The following SWI5 variants were observed in gnomAD, a reference collection of about 807,000 sequenced individuals.
SWI5 encodes the protein DNA repair protein SWI5 homolog.
Under a neutral mutation model 17.0 loss-of-function variants are expected in SWI5, and 12 were observed. That is an observed-to-expected ratio of 0.71 (90% confidence interval 0.45 to 1.14). SWI5 has a LOEUF of 1.14. Ranked by LOEUF, SWI5 falls within the 50% of genes most tolerant of loss-of-function variation. SWI5 has a pLI of 0.00. For missense variants in SWI5, 158 were observed against 162.2 expected, an observed-to-expected ratio of 0.97 and a Z score of 0.14; for synonymous variants, 61 against 64.0, an observed-to-expected ratio of 0.95 and a Z score of 0.22.
chr9:128,279,821 T>A (rs1160214452), intron 2 of SWI5, among the ~76,000 whole-genome samples: 1 of 152,166 alleles, frequency 6.6e-6, no homozygotes, highest in South Asian at 2.1e-4. Context: ...TTTCACGGTC[T>A]GCTAGGTAAC....
At chr9:128,280,797 G>T (rs1050599630) in intron 2 of SWI5, among the ~76,000 whole-genome samples, 1 of 152,210 alleles carries the variant, frequency 6.6e-6, no homozygotes, top group South Asian at 2.1e-4. Context: ...GATTACAGGC[G>T]TGAGCCACCG....
Position 128,276,410 on chromosome 9 carries a change from A to T in SWI5, c.62+8A>T, listed in dbSNP as rs1161178239. 1 of 1,611,620 alleles carries T rather than the reference A, an allele frequency of 6.2e-7. No individual in the cohort carries two copies. Among genetic ancestry groups the T allele is most frequent in the East Asian group, 2.2e-5 (1 of 44,824 alleles). On this transcript the variant is annotated splice_region_variant and intron_variant, in intron 1 of 4. Transcript: ENST00000418976. Reference sequence around the variant, plus strand: ...GACCCCAGGGCTCAGGAGGTGGGCGAGGAACGGACTCCACAGTTTCTTTCC... The same window carrying T: ...GACCCCAGGGCTCAGGAGGTGGGCGTGGAACGGACTCCACAGTTTCTTTCC...
chr9:128,276,363 A>G (rs901037600), exon 1 of SWI5: 6 of 1,612,726 alleles, frequency 3.7e-6, no homozygotes, highest in African/African-American at 1.3e-5. Context: ...GCGCCATTGA[A>G]CCCCCTGATC....
intron 2 of SWI5, among the ~76,000 whole-genome samples, chr9:128,278,154 C>T (rs991030846): frequency 6.6e-6 from 1 of 151,960 alleles, no homozygotes; most frequent in African/African-American, 2.4e-5. Context: ...AAATTTTCGC[C>T]ATGTTGCCCA....
At chr9:128,279,789 C>T (rs1289399612) in intron 2 of SWI5, among the ~76,000 whole-genome samples, 1 of 152,138 alleles carries the variant, frequency 6.6e-6, no homozygotes, top group Admixed American at 6.5e-5. Flanking sequence ...TTTCCTGACT[C>T]CTCCAAGGAA....
Position 128,285,275 on chromosome 9 carries a change from GGGAAAGGAAGGAAGGAA to G in SWI5, c.234-645_234-629del, listed in dbSNP as rs1198945205. Among the ~76,000 whole-genome samples, 9 of 150,770 alleles carry G rather than the reference GGGAAAGGAAGGAAGGAA, an allele frequency of 6.0e-5. No individual in the cohort carries two copies. Among genetic ancestry groups the G allele is most frequent in the Non-Finnish European group, 1.0e-4 (7 of 67,660 alleles). On this transcript the variant is annotated intron_variant, in intron 3 of 4. Transcript: ENST00000418976. This position sits in a 1 kb window ranked among gnomAD's most constrained non-coding sequence, Gnocchi z 4.8. Reference sequence around the variant, plus strand: ...GGGGGAAGGAAAGGGAAGGAAGGAAGGGAAAGGAAGGAAGGAAGGAAAGGAAGGAAGGAAGAAAGAAA... The same window carrying G: ...GGGGGAAGGAAAGGGAAGGAAGGAAGGGAAAGGAAGGAAGGAAGAAAGAAA...
rs113151986 is a variant in SWI5, at chr9:128,281,147, C to T, written c.112-3363C>T. ...CCACCTCCCAGGTTCAAGGGATTCT[C>T]CTGCCTTAGCCTCCCAAGTAGCTGG... On this transcript the variant is annotated intron_variant, in intron 2 of 4. Coordinates refer to ENST00000418976, the Ensembl canonical transcript of SWI5. Among the ~76,000 whole-genome samples the T allele has an allele frequency of 6.8e-4, 100 of 147,868 alleles. 4 individuals are homozygous for T. Among genetic ancestry groups the T allele is most frequent in the African/African-American group, 2.2e-3 (89 of 39,598 alleles).
At chr9:128,284,831 A>G (rs1367416689) in intron 3 of SWI5, among the ~76,000 whole-genome samples, 200 bp downstream of exon 3, 2 of 151,782 alleles carry the variant, frequency 1.3e-5, no homozygotes, top group African/African-American at 2.4e-5. Flanking sequence ...TGGTACGCGC[A>G]TGTAGTCCCA....
At chr9:128,282,028 G>A (rs1230505349) in intron 2 of SWI5, among the ~76,000 whole-genome samples, 1 of 152,244 alleles carries the variant, frequency 6.6e-6, no homozygotes, top group East Asian at 1.9e-4. Flanking sequence ...ACAGTGAGGT[G>A]TGATTGTGCT....
At chr9:128,281,029 T>G (rs956108782) in intron 2 of SWI5, among the ~76,000 whole-genome samples, 7 of 17,456 alleles carry the variant, frequency 4.0e-4, no homozygotes, top group Middle Eastern at 0.023. Flanking sequence ...TCAACCATGC[T>G]TTTTTTTTTT....
At chr9:128,276,031 G>C, upstream of SWI5, 1 of 1,590,818 alleles carries the variant, frequency 6.3e-7, no homozygotes, top group Admixed American at 1.8e-5. Context: ...GCAGCTGTGC[G>C]ACGGAGCCAG....
intron 2 of SWI5, chr9:128,278,615 A>G: frequency 2.1e-6 from 1 of 470,780 alleles, no homozygotes; most frequent in Non-Finnish European, 4.4e-6. Flanking sequence ...AGCTTACTTT[A>G]CATGCATCAT....
chr9:128,277,113 AG>A (rs548408302), intron 2 of SWI5, among the ~76,000 whole-genome samples: 93 of 152,228 alleles, frequency 6.1e-4, no homozygotes, highest in African/African-American at 2.2e-3. Context: ...CTCCCCAGTC[AG>A]GAAAATGCTT....
In SWI5 at chr9:128,282,259, C is replaced by T. The variant is rs187419173; in HGVS notation, c.112-2251C>T. 2.2e-3 allele frequency among the ~76,000 whole-genome samples: 340 copies of T among 152,080 alleles called. 1 individual carries two copies. The highest frequency in any genetic ancestry group is 7.7e-3 in the African/African-American group (321 of 41,490). The stretch of plus-strand genomic sequence containing the variant: ...AAAATTAGCCGAGTGTGGTGACATG[C>T]GCCTGTAATCCCAGCTACTCAGGAG... On this transcript the variant is annotated intron_variant, in intron 2 of 4. Coordinates refer to ENST00000418976, the Ensembl canonical transcript of SWI5.
intron 2 of SWI5, among the ~76,000 whole-genome samples, chr9:128,282,754 G>T (rs1831563860): frequency 6.6e-6 from 1 of 152,150 alleles, no homozygotes; most frequent in South Asian, 2.1e-4. Flanking sequence ...CTTGTATCAT[G>T]TGTAGACAGC....
In SWI5 at chr9:128,284,494, T is replaced by A. The variant is rs748741045; in HGVS notation, c.112-16T>A. 2 of 1,610,312 alleles carry A rather than the reference T, an allele frequency of 1.2e-6. No individual in the cohort carries two copies. The highest frequency in any genetic ancestry group is 1.7e-5 in the Admixed American group (1 of 59,726). The stretch of plus-strand genomic sequence containing the variant: ...ATAACTGGTCAGTCTGGCTGATGAC[T>A]TTTTCTGCCTCTCAGAGGCCATTGC... On this transcript the variant is annotated splice_polypyrimidine_tract_variant and intron_variant, in intron 2 of 4. Coordinates refer to ENST00000418976, the Ensembl canonical transcript of SWI5.
At chr9:128,281,455 C>T (rs1411785431) in intron 2 of SWI5, among the ~76,000 whole-genome samples, 2 of 152,186 alleles carry the variant, frequency 1.3e-5, no homozygotes, top group Non-Finnish European at 2.9e-5. Context: ...CTAAAGCCTG[C>T]TCATCCTTTA....
intron 2 of SWI5, among the ~76,000 whole-genome samples, chr9:128,277,173 G>T (rs1190352074): frequency 1.3e-5 from 2 of 151,980 alleles, no homozygotes; most frequent in Non-Finnish European, 2.9e-5. Flanking sequence ...TCTCCTCTTC[G>T]CTGGCAAGCC....
At chr9:128,276,486 A>G in intron 1 of SWI5, 84 bp downstream of exon 1, 12 of 1,581,636 alleles carry the variant, frequency 7.6e-6, no homozygotes, top group Non-Finnish European at 1.0e-5. Flanking sequence ...AATCACCTCC[A>G]AAGACTCCCA....
Sources: gnomAD v4.1 joint callset for allele counts (sites outside exome capture counted in the v4.1 genomes callset) on GRCh38, gnomAD v4.1.1 for gene constraint, Gnocchi (gnomAD v3.1) non-coding constraint, MANE v1.5 for transcripts, NCBI Gene and HGNC (gene_info 2026-07-23, HGNC 2026-07-21) for gene names.